CTNNA2: variants seen among roughly 807,000 people sequenced by gnomAD.
CTNNA2 encodes catenin alpha-2.
Under a neutral mutation model 101.0 loss-of-function variants are expected in CTNNA2, and 42 were observed. The observed-to-expected ratio is 0.42, with a 90% CI of 0.32 to 0.54. The LOEUF (loss-of-function observed/expected upper bound fraction) is 0.54. CTNNA2 is among the 20% of genes least tolerant of loss of function. The probability of loss-of-function intolerance (pLI) is 0.14; values close to 1 mark genes in which losing one functional copy is unlikely to be tolerated. For missense variants in CTNNA2, 871 were observed against 1,223.1 expected (o/e 0.71, Z 4.29); for synonymous variants, 450 against 456.4 (o/e 0.99, Z 0.18).
chr2:80,576,876 G>A (rs1661768711), intron 13 of CTNNA2, among the ~76,000 whole-genome samples: 2 of 151,718 alleles, frequency 1.3e-5, no homozygotes, highest in South Asian at 2.1e-4. Flanking sequence ...TGTGGGAGGA[G>A]AATTGCTTGA....
chr2:79,244,282 G>T (rs535036120), intron 2 of CTNNA2, among the ~76,000 whole-genome samples: 1 of 152,112 alleles, frequency 6.6e-6, no homozygotes, highest in African/African-American at 2.4e-5. Flanking sequence ...GTCTCTCTCC[G>T]TCTCATTGCT....
At chr2:80,137,917 C>G (rs1702787465) in intron 7 of CTNNA2, among the ~76,000 whole-genome samples, 1 of 152,050 alleles carries the variant, frequency 6.6e-6, no homozygotes, top group Non-Finnish European at 1.5e-5. Flanking sequence ...ATGCCCCACC[C>G]CAGCATGGCT....
chr2:80,322,828 C>T (rs1678847493), intron 7 of CTNNA2, among the ~76,000 whole-genome samples: 1 of 152,182 alleles, frequency 6.6e-6, no homozygotes, highest in Non-Finnish European at 1.5e-5. Context: ...GCCTCGGCAT[C>T]CAAGACGTTT....
intron 11 of CTNNA2, among the ~76,000 whole-genome samples, chr2:80,546,281 A>G (rs2149633256): frequency 6.6e-6 from 1 of 152,308 alleles, no homozygotes; most frequent in South Asian, 2.1e-4. Flanking sequence ...AAAAAGGAAT[A>G]CATTATTTAA....
At chr2:79,275,061 G>T (rs753789728) in intron 2 of CTNNA2, among the ~76,000 whole-genome samples, 3 of 151,988 alleles carry the variant, frequency 2.0e-5, no homozygotes, top group African/African-American at 2.4e-5. Flanking sequence ...GAAAGAAAGG[G>T]GCTCCAGTGG....
At chr2:80,606,412 A>ACCCC (rs1553407272) in intron 16 of CTNNA2, among the ~76,000 whole-genome samples, 3 of 48,682 alleles carry the variant, frequency 6.2e-5, no homozygotes, top group South Asian at 8.7e-4. Flanking sequence ...ACACACACAC[A>ACCCC]CCCCCCAGGA....
intron 7 of CTNNA2, among the ~76,000 whole-genome samples, chr2:80,075,583 TACATGTATAAATATA>T (rs1698636893): frequency 1.1e-5 from 1 of 92,564 alleles, no homozygotes; most frequent in Non-Finnish European, 2.5e-5. Flanking sequence ...ATAATATTTA[TACATGTATAAATATA>T]AATATTTATA....
chr2:80,554,598 T>C (rs1466117129), intron 11 of CTNNA2, among the ~76,000 whole-genome samples: 2 of 152,222 alleles, frequency 1.3e-5, no homozygotes, highest in Admixed American at 1.3e-4. Flanking sequence ...GAGGGATCTC[T>C]GAGGTCTCTT....
intron 7 of CTNNA2, among the ~76,000 whole-genome samples, chr2:80,272,724 A>G (rs1673595193): frequency 6.6e-6 from 1 of 152,230 alleles, no homozygotes; most frequent in Non-Finnish European, 1.5e-5. Flanking sequence ...ATATTTTAGT[A>G]TAAGTATGTC....
chr2:80,237,564 T>G (rs1709612724), intron 7 of CTNNA2, among the ~76,000 whole-genome samples: 1 of 152,098 alleles, frequency 6.6e-6, no homozygotes, highest in Admixed American at 6.6e-5. Flanking sequence ...TTGTTACCAT[T>G]GTTAACTCCA....
At chr2:79,551,023 A>C (rs1674066553) in intron 1 of CTNNA2, among the ~76,000 whole-genome samples, 1 of 152,198 alleles carries the variant, frequency 6.6e-6, no homozygotes, top group South Asian at 2.1e-4. Flanking sequence ...ATAAATAAAA[A>C]TTATTACTGT....
chr2:80,453,951 T>A (rs1683744325), intron 9 of CTNNA2, among the ~76,000 whole-genome samples: 1 of 152,170 alleles, frequency 6.6e-6, no homozygotes, highest in South Asian at 2.1e-4. Flanking sequence ...AACAATAAAT[T>A]ATTTCAATCA....
At chr2:79,506,889 G>C (rs1671424707) in intron 5 of CTNNA2, among the ~76,000 whole-genome samples, 2 of 152,050 alleles carry the variant, frequency 1.3e-5, no homozygotes, top group African/African-American at 4.8e-5. Flanking sequence ...GACTAGTTTT[G>C]CCCTAATATA....
Position 79,804,479 on chromosome 2 carries a change from G to A in CTNNA2, c.299-53534G>A, listed in dbSNP as rs1340567908. Among the ~76,000 whole-genome samples the A allele has an allele frequency of 2.0e-5, 3 of 152,276 alleles. No homozygotes were observed. The East Asian group carries it at 5.8e-4, about 29-fold the overall frequency. ...AGAAAATATATAGTTCTTATTTGGAGTAGTTGAACTTTTCTTGCAGCAGTG... is the reference window on the plus strand; with the variant it reads ...AGAAAATATATAGTTCTTATTTGGAATAGTTGAACTTTTCTTGCAGCAGTG... On this transcript the variant is annotated intron_variant, in intron 3 of 18. Transcript: ENST00000402739.
intron 4 of CTNNA2, chr2:79,500,977 T>C (rs1671312886): frequency 1.3e-5 from 2 of 152,220 alleles, no homozygotes; most frequent in South Asian, 4.1e-4. Flanking sequence ...CTGTCAGCAA[T>C]TACTAATCTG....
At chr2:79,317,983 G>T (rs1676534410) in intron 3 of CTNNA2, among the ~76,000 whole-genome samples, 1 of 151,964 alleles carries the variant, frequency 6.6e-6, no homozygotes, top group South Asian at 2.1e-4. Context: ...TAAAATATAT[G>T]ATTGTTGCCC....
chr2:80,112,587 C>T (rs954292571), intron 7 of CTNNA2, among the ~76,000 whole-genome samples: 1 of 152,102 alleles, frequency 6.6e-6, no homozygotes, highest in Non-Finnish European at 1.5e-5. Context: ...TTGTCACATT[C>T]AGAACAGATA....
intron 4 of CTNNA2, among the ~76,000 whole-genome samples, chr2:79,429,235 G>T (rs947267864): frequency 3.9e-5 from 6 of 151,998 alleles, no homozygotes; most frequent in Non-Finnish European, 8.8e-5. Flanking sequence ...TAATGGGCTC[G>T]TGAACTTTTT....
chr2:80,632,280 A>G (rs938186505), intron 18 of CTNNA2, among the ~76,000 whole-genome samples: 4 of 148,656 alleles, frequency 2.7e-5, no homozygotes, highest in Admixed American at 6.7e-5. Flanking sequence ...CCACCCCAAC[A>G]CACACACACA....
Sources: allele counts gnomAD v4.1 joint callset (sites outside exome capture counted in the v4.1 genomes callset), GRCh38; gene constraint gnomAD v4.1.1; transcripts MANE v1.5; gene names NCBI Gene and HGNC (gene_info 2026-07-23, HGNC 2026-07-21).